USH2A: variants seen among roughly 807,000 people sequenced by gnomAD.
USH2A encodes usherin.
Under a neutral mutation model 538.9 loss-of-function variants are expected in USH2A, and 443 were observed. That is an observed-to-expected ratio of 0.82 (90% CI 0.76 to 0.89). USH2A has a LOEUF of 0.89. Among genes scored for constraint, USH2A ranks in the 40% least tolerant of loss-of-function variants. The pLI is 0.00. For synonymous variants in USH2A, 2,413 were observed against 2,273.5 expected (o/e 1.06, Z -1.75); for missense variants, 6,633 against 6,324.8 (o/e 1.05, Z -1.65).
chr1:216,083,671 A>T, intron 25 of USH2A, 85 bp from the exon 26 acceptor site: 2 of 1,338,732 alleles, frequency 1.5e-6, no homozygotes, highest in East Asian at 2.3e-5. Flanking sequence ...TCTAGGACAC[A>T]GTCTGCCACT....
intron 67 of USH2A, among the ~76,000 whole-genome samples, chr1:215,646,173 A>G (rs1332001575): frequency 6.6e-6 from 1 of 152,154 alleles, no homozygotes; most frequent in Non-Finnish European, 1.5e-5. Flanking sequence ...GGGTATAATA[A>G]GCTGGACCAG....
intron 14 of USH2A, among the ~76,000 whole-genome samples, chr1:216,231,517 G>A (rs1230685755): frequency 6.7e-6 from 1 of 148,536 alleles, no homozygotes; most frequent in Non-Finnish European, 1.5e-5. Context: ...AAATGTGGAT[G>A]TCACGGAACA....
intron 34 of USH2A, among the ~76,000 whole-genome samples, chr1:215,996,346 T>C (rs1668136022): frequency 6.6e-6 from 1 of 152,168 alleles, no homozygotes; most frequent in South Asian, 2.1e-4. Context: ...GTGAAGCCAC[T>C]TCCAGGAATC....
intron 21 of USH2A, among the ~76,000 whole-genome samples, chr1:216,098,011 C>T (rs1207432745): frequency 6.7e-6 from 1 of 148,852 alleles, no homozygotes; most frequent in Non-Finnish European, 1.5e-5. Context: ...GATGCCTTCG[C>T]CCTACCATTA....
intron 14 of USH2A, among the ~76,000 whole-genome samples, chr1:216,218,618 G>A (rs975224807): frequency 6.6e-6 from 1 of 152,064 alleles, no homozygotes; most frequent in East Asian, 1.9e-4. Flanking sequence ...TGCCAAATAA[G>A]CTGCAAATTT....
intron 4 of USH2A, 27 bp from the exon 5 acceptor site, chr1:216,327,681 T>C: frequency 6.2e-7 from 1 of 1,612,212 alleles, no homozygotes; most frequent in Non-Finnish European, 8.5e-7. Context: ...GTGCATAATA[T>C]AAGAAGTCTC....
At chr1:216,228,643 C>T (rs2035612755) in intron 14 of USH2A, among the ~76,000 whole-genome samples, 1 of 152,174 alleles carries the variant, frequency 6.6e-6, no homozygotes, top group Non-Finnish European at 1.5e-5. Flanking sequence ...ATTGTGAGGT[C>T]TCCCAAGCCA....
At chr1:216,098,251 G>A (rs1216719249) in intron 21 of USH2A, among the ~76,000 whole-genome samples, 1 of 152,206 alleles carries the variant, frequency 6.6e-6, no homozygotes, top group Non-Finnish European at 1.5e-5. Context: ...ACTGGTAAGA[G>A]ACACAATCTC....
chr1:216,004,391 A>C (rs1354251320), intron 32 of USH2A, among the ~76,000 whole-genome samples: 1 of 152,170 alleles, frequency 6.6e-6, no homozygotes, highest in East Asian at 1.9e-4. Context: ...GGTATGAGGA[A>C]AACATTGAGA....
At position 216,098,488 on chromosome 1, in the gene USH2A, A is replaced by T. The variant is rs146876218; in HGVS notation, c.4628-1275T>A. Among the ~76,000 whole-genome samples, 1,169 of 152,340 alleles carry T rather than the reference A, an allele frequency of 7.7e-3. 12 individuals carry two copies. Among genetic ancestry groups the T allele is most frequent in the Middle Eastern group, 0.024 (7 of 294 alleles). On this transcript the variant is annotated intron_variant, in intron 21 of 71. Transcript: ENST00000307340. ...CTTCCTTCAGGCTGGGCTGGTAACC[A>T]AAAGCCCTACATAGGTGGGTGGTGG...
intron 9 of USH2A, among the ~76,000 whole-genome samples, chr1:216,294,468 T>C (rs2037065844): frequency 6.6e-6 from 1 of 152,002 alleles, no homozygotes; most frequent in African/African-American, 2.4e-5. Context: ...TTTTGCTGCA[T>C]TATTTCTTAT....
chr1:215,924,233 G>A (rs986343791), intron 38 of USH2A, among the ~76,000 whole-genome samples: 1 of 152,078 alleles, frequency 6.6e-6, no homozygotes, highest in African/African-American at 2.4e-5. Flanking sequence ...GTGGTTGTAA[G>A]TGAATTTCCC....
intron 47 of USH2A, among the ~76,000 whole-genome samples, chr1:215,832,766 T>C (rs1272471321): frequency 6.6e-6 from 1 of 151,766 alleles, no homozygotes; most frequent in Non-Finnish European, 1.5e-5. Context: ...ATAAAAGACA[T>C]ACTGATTGGA....
Position 216,288,172 on chromosome 1 carries a change from G to A in USH2A, c.1971+1108C>T, listed in dbSNP as rs187445211. Among the ~76,000 whole-genome samples, 10 of 152,192 alleles carry A rather than the reference G, an allele frequency of 6.6e-5. No homozygotes were observed. The East Asian group carries it at 1.4e-3, about 21-fold the overall frequency. On this transcript the variant is annotated intron_variant, in intron 11 of 71. Transcript: ENST00000307340. ...GCCATGCTGAAAACTCAGGGTGGAT[G>A]TGTAAAAATGAAATATAATCTAAAG...
chr1:216,255,839 G>A (rs549561992), intron 11 of USH2A, among the ~76,000 whole-genome samples: 269 of 152,160 alleles, frequency 1.8e-3, no homozygotes, highest in African/African-American at 6.0e-3. Context: ...AATTTTTGCC[G>A]ACAAATGTGG....
intron 21 of USH2A, among the ~76,000 whole-genome samples, chr1:216,105,957 T>C (rs1009366371): frequency 6.6e-6 from 1 of 151,634 alleles, no homozygotes; most frequent in Admixed American, 6.6e-5. Context: ...TCCAAGTTCA[T>C]TTATTAGTTT....
chr1:215,862,166 T>A (rs1006908763), intron 44 of USH2A, among the ~76,000 whole-genome samples: 6 of 152,190 alleles, frequency 3.9e-5, no homozygotes, highest in African/African-American at 1.4e-4. Flanking sequence ...ACTAGATTTT[T>A]AAATTTCTAT....
At chr1:216,197,940 GT>G (rs975792995) in intron 18 of USH2A, among the ~76,000 whole-genome samples, 10 of 152,218 alleles carry the variant, frequency 6.6e-5, no homozygotes, top group Middle Eastern at 3.4e-3. Flanking sequence ...ATTGGTGACA[GT>G]TATCTCTTTC....
intron 61 of USH2A, among the ~76,000 whole-genome samples, chr1:215,681,052 G>A (rs1475551969): frequency 1.3e-5 from 2 of 152,022 alleles, no homozygotes; most frequent in East Asian, 3.9e-4. Context: ...CCTACCAAAA[G>A]TAATTGTTAG....
Sources: gnomAD v4.1 joint callset for allele counts (sites outside exome capture counted in the v4.1 genomes callset) on GRCh38, gnomAD v4.1.1 for gene constraint, MANE v1.5 for transcripts, NCBI Gene and HGNC (gene_info 2026-07-23, HGNC 2026-07-21) for gene names.